CADPS2: variants seen among roughly 807,000 people sequenced by gnomAD.
CADPS2 encodes calcium-dependent secretion activator 2.
CADPS2 carries 93 observed loss-of-function variants against 172.5 expected under a neutral mutation model. The observed-to-expected ratio is 0.54, with a 90% CI of 0.46 to 0.64. The LOEUF (loss-of-function observed/expected upper bound fraction) is 0.64, where lower values mean the gene tolerates loss of function less well. CADPS2 is among the 30% of genes least tolerant of loss of function. The pLI, the probability that CADPS2 is intolerant of heterozygous loss-of-function variation, is 0.00. For missense variants in CADPS2, 1,420 were observed against 1,565.9 expected (o/e 0.91, Z 1.57); for synonymous variants, 546 against 555.2 (o/e 0.98, Z 0.23).
intron 19 of CADPS2, among the ~76,000 whole-genome samples, chr7:122,409,814 G>T (rs2047086411): frequency 6.6e-6 from 1 of 152,142 alleles, no homozygotes; most frequent in Non-Finnish European, 1.5e-5. Flanking sequence ...TTCCTGTGGG[G>T]TGGCTGAGAT....
chr7:122,571,191 T>C (rs1302812178), intron 7 of CADPS2, among the ~76,000 whole-genome samples: 1 of 152,090 alleles, frequency 6.6e-6, no homozygotes, highest in African/African-American at 2.4e-5. Flanking sequence ...GGGGAAAATA[T>C]TTGAACAGAT....
At chr7:122,400,360 C>G (rs1391133672) in intron 20 of CADPS2, among the ~76,000 whole-genome samples, 1 of 151,946 alleles carries the variant, frequency 6.6e-6, no homozygotes, top group Non-Finnish European at 1.5e-5. Context: ...TTGCTTGAAT[C>G]TGGGAGGCGG....
intron 1 of CADPS2, among the ~76,000 whole-genome samples, chr7:122,838,767 C>T (rs1039178999): frequency 2.6e-5 from 4 of 151,920 alleles, no homozygotes; most frequent in East Asian, 1.9e-4. Flanking sequence ...CACTGCTCAA[C>T]GAAATAAAAG....
At chr7:122,607,919 T>G (rs933035221) in intron 6 of CADPS2, among the ~76,000 whole-genome samples, 1 of 152,142 alleles carries the variant, frequency 6.6e-6, no homozygotes, top group Admixed American at 6.6e-5. Context: ...CTTTGGTTCA[T>G]TAAAAATAGG....
intron 15 of CADPS2, among the ~76,000 whole-genome samples, chr7:122,448,492 A>G (rs2052601410): frequency 1.3e-5 from 2 of 152,230 alleles, no homozygotes; most frequent in Admixed American, 1.3e-4. Context: ...TGATGTGCGT[A>G]TAAGAGAAAT....
intron 7 of CADPS2, among the ~76,000 whole-genome samples, chr7:122,561,483 T>G (rs2065773079): frequency 6.6e-6 from 1 of 152,124 alleles, no homozygotes; most frequent in Admixed American, 6.6e-5. Context: ...GATGGGAGGA[T>G]TAAGGATAAA....
At chr7:122,683,647 T>C (rs1371479496) in intron 2 of CADPS2, among the ~76,000 whole-genome samples, 1 of 152,140 alleles carries the variant, frequency 6.6e-6, no homozygotes, top group Non-Finnish European at 1.5e-5. Flanking sequence ...TAAAATGTTA[T>C]CTGTGGACCA....
At chr7:122,777,980 T>C (rs2093937086) in intron 1 of CADPS2, among the ~76,000 whole-genome samples, 1 of 152,076 alleles carries the variant, frequency 6.6e-6, no homozygotes, top group South Asian at 2.1e-4. Flanking sequence ...TTGGAATAGT[T>C]CAGAGGGGTC....
At chr7:122,664,248 T>G (rs1156510590) in intron 2 of CADPS2, among the ~76,000 whole-genome samples, 2 of 152,086 alleles carry the variant, frequency 1.3e-5, no homozygotes, top group Non-Finnish European at 2.9e-5. Flanking sequence ...TCATCATATG[T>G]AATTTTTACT....
intron 27 of CADPS2, among the ~76,000 whole-genome samples, chr7:122,347,318 C>T (rs1370745854): frequency 2.0e-5 from 3 of 151,960 alleles, no homozygotes; most frequent in African/African-American, 4.8e-5. Context: ...TTTTATATAA[C>T]ATAATAAAAT....
intron 2 of CADPS2, among the ~76,000 whole-genome samples, chr7:122,734,797 C>T (rs1181579215): frequency 2.6e-5 from 4 of 151,930 alleles, no homozygotes; most frequent in African/African-American, 9.7e-5. Flanking sequence ...ACAAATGCAC[C>T]CCAGGAATGC....
intron 27 of CADPS2, among the ~76,000 whole-genome samples, chr7:122,350,803 T>C (rs550324149): frequency 6.6e-6 from 1 of 151,246 alleles, no homozygotes; most frequent in African/African-American, 2.4e-5. Flanking sequence ...CTGGGCAACA[T>C]GGCAAGACCC....
At chr7:122,406,842 T>C (rs2151653263) in intron 20 of CADPS2, among the ~76,000 whole-genome samples, 1 of 152,212 alleles carries the variant, frequency 6.6e-6, no homozygotes, top group Admixed American at 6.5e-5. Context: ...AAACAAAGGT[T>C]GTCAGTGGTA....
chr7:122,486,397 G>A lies in CADPS2; in HGVS notation c.1852+3684C>T, dbSNP rs138341650. Reference sequence around the variant, plus strand: ...TTCCAACCCTCAGGGATAACTTTAAGGGATTGAAGACTTGAGTGGAGGAAG... The same window carrying A: ...TTCCAACCCTCAGGGATAACTTTAAAGGATTGAAGACTTGAGTGGAGGAAG... On this transcript the variant is annotated intron_variant, in intron 11 of 29. Coordinates refer to ENST00000449022, the MANE Select transcript of CADPS2 (RefSeq NM_017954.11). Among the ~76,000 whole-genome samples the A allele has an allele frequency of 4.9e-3, 753 of 152,210 alleles. 8 individuals are homozygous for A. The highest frequency in any genetic ancestry group is 0.015 in the African/African-American group (603 of 41,542).
At chr7:122,746,862 G>T (rs2092738802) in intron 1 of CADPS2, among the ~76,000 whole-genome samples, 1 of 152,062 alleles carries the variant, frequency 6.6e-6, no homozygotes. Context: ...TATTTAACAG[G>T]ACTCTCCCTG....
At chr7:122,720,950 C>G (rs914118606) in intron 2 of CADPS2, among the ~76,000 whole-genome samples, 1 of 151,876 alleles carries the variant, frequency 6.6e-6, no homozygotes, top group African/African-American at 2.4e-5. Context: ...AATATATGTG[C>G]CAGGCGTTGT....
intron 1 of CADPS2, among the ~76,000 whole-genome samples, chr7:122,799,331 G>A (rs1383419029): frequency 6.6e-6 from 1 of 152,204 alleles, no homozygotes; most frequent in Non-Finnish European, 1.5e-5. Context: ...TGGGCGCGGT[G>A]GCTCACGCCT....
chr7:122,378,698 G>A (rs1339904624), intron 25 of CADPS2: 1 of 152,028 alleles, frequency 6.6e-6, no homozygotes, highest in Non-Finnish European at 1.5e-5. Context: ...CTAGGAACAT[G>A]ACCATTCTCT....
chr7:122,492,027 C>T (rs570202891), intron 9 of CADPS2, among the ~76,000 whole-genome samples: 80 of 152,088 alleles, frequency 5.3e-4, no homozygotes, highest in African/African-American at 1.4e-3. Context: ...AAAAAATTAG[C>T]CAGGCGTGGT....
Sources: allele counts gnomAD v4.1 joint callset (sites outside exome capture counted in the v4.1 genomes callset), GRCh38; gene constraint gnomAD v4.1.1; transcripts MANE v1.5; gene names NCBI Gene and HGNC (gene_info 2026-07-23, HGNC 2026-07-21).